Variants in GCN1 observed in about 807,000 individuals in gnomAD.
GCN1 encodes stalled ribosome sensor GCN1.
In GCN1, 90 loss-of-function variants were observed where a neutral mutation model predicts 288.4. That is an observed-to-expected ratio of 0.31 (90% CI 0.26 to 0.37). GCN1 has a LOEUF of 0.37. Ranked by LOEUF, GCN1 falls within the 10% of genes least tolerant of loss-of-function variation. The probability of loss-of-function intolerance (pLI) is 1.00; values close to 1 mark genes in which losing one functional copy is unlikely to be tolerated. For synonymous variants in GCN1, 1,386 were observed against 1,420.2 expected (o/e 0.98, Z 0.54); for missense variants, 2,586 against 3,419.9 (o/e 0.76, Z 6.08).
chr12:120,190,561 C>A (rs1048913654), intron 1 of GCN1, among the ~76,000 whole-genome samples, 161 bp from the exon 2 acceptor site: 1 of 152,032 alleles, frequency 6.6e-6, no homozygotes, highest in African/African-American at 2.4e-5. Context: ...TTGTGGGGGC[C>A]GTGTTTTTAG....
At chr12:120,161,224 A>C (rs569372941) in intron 22 of GCN1, among the ~76,000 whole-genome samples, 1 of 152,318 alleles carries the variant, frequency 6.6e-6, no homozygotes, top group Non-Finnish European at 1.5e-5. Context: ...GAATCCAGCA[A>C]CACCACTTAG....
At chr12:120,188,249 C>A (rs1411868485) in intron 2 of GCN1, among the ~76,000 whole-genome samples, 1 of 152,020 alleles carries the variant, frequency 6.6e-6, no homozygotes, top group Non-Finnish European at 1.5e-5. Context: ...GACTGGCCAA[C>A]ATGGTGAAAC....
intron 26 of GCN1, 81 bp from the exon 27 acceptor site, chr12:120,157,073 C>T: frequency 1.2e-6 from 1 of 855,064 alleles, no homozygotes; most frequent in East Asian, 2.5e-5. Context: ...GGCATCCTCT[C>T]ACCCACGGGG....
At position 120,151,011 on chromosome 12, in the gene GCN1, G is replaced by A. The variant is rs770799171; in HGVS notation, c.4309+134C>T. On this transcript the variant is annotated intron_variant, in intron 34 of 57. Transcript: ENST00000300648. ...AGCAAGGACGCAGCTGGACTGGGTC[G>A]CACACAGCGGGGCCCTCTGTAGTAC... is the stretch of plus-strand genomic sequence containing the variant. 37 of 928,704 alleles carry A rather than the reference G, an allele frequency of 4.0e-5. No homozygotes were observed. In the Middle Eastern group the frequency reaches 7.0e-4, roughly 18 times the overall value. 57.5% of individuals were successfully genotyped at this position (928,704 alleles called of 1,614,324 possible).
chr12:120,176,835 T>A (rs1437552193), intron 9 of GCN1, among the ~76,000 whole-genome samples: 1 of 152,186 alleles, frequency 6.6e-6, no homozygotes, highest in Non-Finnish European at 1.5e-5. Flanking sequence ...GGCATGATCT[T>A]GCCTCACTGC....
At chr12:120,161,045 A>C (rs149529285) in intron 22 of GCN1, among the ~76,000 whole-genome samples, 183 of 152,322 alleles carry the variant, frequency 1.2e-3, no homozygotes, top group Non-Finnish European at 2.2e-3. Flanking sequence ...GCAAACGCTG[A>C]GAAGGAAAGA....
rs906333405 is a variant in GCN1 at position 120,153,073 on chromosome 12, G to A, written c.4062+140C>T. 4.8e-5 allele frequency: 32 copies of A among 663,850 alleles called. No homozygotes were observed. The highest frequency in any genetic ancestry group is 4.1e-4 in the Middle Eastern group (1 of 2,410). The allele number at this position is 663,850 out of a possible 1,614,324, so 41.1% of individuals were successfully genotyped here. ...GACTATAAACCAGGCTCTCCCCTGCGAGAGGGGGTGAATCCTTAACAAGAA... is the reference window on the plus strand; with the variant it reads ...GACTATAAACCAGGCTCTCCCCTGCAAGAGGGGGTGAATCCTTAACAAGAA... On this transcript the variant is annotated intron_variant, in intron 33 of 57. Transcript: ENST00000300648. This position sits in a 1 kb window ranked among gnomAD's most constrained non-coding sequence, Gnocchi z 4.4.
chr12:120,145,371 C>A, intron 38 of GCN1, 41 bp from the exon 39 acceptor site: 1 of 1,452,298 alleles, frequency 6.9e-7, no homozygotes, highest in Non-Finnish European at 9.3e-7. Flanking sequence ...GGCCCGACTC[C>A]TGCTTTCTCC....
intron 33 of GCN1, among the ~76,000 whole-genome samples, chr12:120,152,635 G>GCGCA (rs1409843184): frequency 2.5e-4 from 30 of 121,098 alleles, no homozygotes; most frequent in East Asian, 1.9e-3. Context: ...ACACACACAC[G>GCGCA]CGCACACACA....
At position 120,152,661 on chromosome 12, in the gene GCN1, A is replaced by AATAT. The variant is rs1160511017; in HGVS notation, c.4062+548_4062+551dup. 2.2e-5 allele frequency among the ~76,000 whole-genome samples: 3 copies of AATAT among 137,250 alleles called. No individual in the cohort carries two copies. In the East Asian group the frequency reaches 6.2e-4, roughly 28 times the overall value. The allele number at this position is 137,250 out of a possible 152,430, so 90.0% of individuals were successfully genotyped here. A position where few individuals can be genotyped will look rare whatever the true frequency, so the allele number is the denominator to read the frequency against. On this transcript the variant is annotated intron_variant, in intron 33 of 57. Coordinates refer to ENST00000300648, the MANE Select transcript of GCN1 (RefSeq NM_006836.2). ...CGCACACACACACACACACACACAA[A>AATAT]ATATATATATATAAATATATATATA...
At chr12:120,179,093 G>T (rs186575063) in intron 5 of GCN1, 143 bp from the exon 6 acceptor site, 8 of 660,892 alleles carry the variant, frequency 1.2e-5, no homozygotes, top group Middle Eastern at 3.7e-4. Context: ...ACTCCAGCCA[G>T]CTCCTCTTCC....
Position 120,130,634 on chromosome 12 carries a change from G to GC in GCN1, c.7671+11dup, listed in dbSNP as rs529294048. 1,368 of 1,567,618 alleles carry GC rather than the reference G, an allele frequency of 8.7e-4. No individual in the cohort carries two copies. Among genetic ancestry groups the GC allele is most frequent in the Non-Finnish European group, 1.0e-3 (1,177 of 1,137,710 alleles). On this transcript the variant is annotated intron_variant, in intron 56 of 57. Coordinates refer to ENST00000300648, the MANE Select transcript of GCN1 (RefSeq NM_006836.2). ...GTGTTAGGGCTTAAACACATGCTTG[G>GC]CCCCCACTCACCTTAACGAACAGGC...
intron 18 of GCN1, 70 bp from the exon 19 acceptor site, chr12:120,163,329 G>A (rs1416258309): frequency 2.4e-6 from 3 of 1,266,592 alleles, no homozygotes; most frequent in East Asian, 2.3e-5. Context: ...AACCAAATAT[G>A]CTACGGACAC....
rs776037419 is a variant in GCN1, at chr12:120,140,813, G to A, written c.5994+46C>T. 2.5e-6 allele frequency: 4 copies of A among 1,575,586 alleles called. No individual in the cohort carries two copies. The Admixed American group carries it at 5.1e-5, about 20-fold the overall frequency. On this transcript the variant is annotated intron_variant, in intron 45 of 57. Coordinates refer to ENST00000300648, the MANE Select transcript of GCN1 (RefSeq NM_006836.2). Reference sequence around the variant, plus strand: ...TAGCCCTCCCCCGCCCTCTGAGTCAGGTCGTCTGCAGTGCACAGCTGGCGG... The same window carrying A: ...TAGCCCTCCCCCGCCCTCTGAGTCAAGTCGTCTGCAGTGCACAGCTGGCGG...
At chr12:120,170,618 G>A (rs1012540277) in intron 14 of GCN1, among the ~76,000 whole-genome samples, 1 of 151,744 alleles carries the variant, frequency 6.6e-6, no homozygotes, top group African/African-American at 2.4e-5. Context: ...AGATCAGCCT[G>A]ACCAACATGG....
Position 120,153,951 on chromosome 12 carries a change from G to A in GCN1, c.3702-42C>T. The A allele has an allele frequency of 1.3e-6, 2 of 1,552,770 alleles. No homozygotes were observed. The highest frequency in any genetic ancestry group is 1.8e-6 in the Non-Finnish European group (2 of 1,133,020). Reference sequence around the variant, plus strand: ...AGCACATCAGGAGGGGCAGTCAGGGGGCCTCCTCTGCCAGTGGAACCTCTG... The same window carrying A: ...AGCACATCAGGAGGGGCAGTCAGGGAGCCTCCTCTGCCAGTGGAACCTCTG... On this transcript the variant is annotated intron_variant, in intron 31 of 57. Coordinates refer to ENST00000300648, the MANE Select transcript of GCN1 (RefSeq NM_006836.2). The surrounding 1 kb of genome is among the most constrained non-coding windows in gnomAD (Gnocchi z 4.4).
chr12:120,147,405 C>T (rs2139097933), intron 37 of GCN1, 133 bp from the exon 38 acceptor site: 3 of 462,622 alleles, frequency 6.5e-6, no homozygotes, highest in East Asian at 6.4e-5. Context: ...CCACAAGTCA[C>T]CAGCTGGGGA....
chr12:120,144,479 C>G lies in GCN1; in HGVS notation c.5353-31G>C. ...CACACAGAGGGTGGGTCAGCCAGAG[C>G]TGCCACCCCCAGGCCCCCAGCCCAA... On this transcript the variant is annotated intron_variant, in intron 41 of 57. Transcript: ENST00000300648. The surrounding 1 kb of genome is among the most constrained non-coding windows in gnomAD (Gnocchi z 4.7). 1 of 1,600,482 alleles carries G rather than the reference C, an allele frequency of 6.2e-7. No individual in the cohort carries two copies. The highest frequency in any genetic ancestry group is 8.5e-7 in the Non-Finnish European group (1 of 1,171,784).
Position 120,153,774 on chromosome 12 carries a change from T to G in GCN1, c.3837A>C (p.Ala1279=). The G allele has an allele frequency of 6.2e-7, 1 of 1,614,194 alleles. No individual in the cohort carries two copies. The highest frequency in any genetic ancestry group is 1.1e-5 in the South Asian group (1 of 91,088). The stretch of plus-strand genomic sequence containing the variant: ...CATGAGTGTTGAGCGTTGCGAGGGC[T>G]GCATCCAACATGCACTTCCGGACAT... ...HPDVRKCMLD[A]ALATLNTHGK... Residue 1279 remains alanine (A), a synonymous_variant, in exon 32 of 58, where the codon GCA becomes GCC. Transcript: ENST00000300648. This position sits in a 1 kb window ranked among gnomAD's most constrained non-coding sequence, Gnocchi z 4.4.
Sources: allele counts gnomAD v4.1 joint callset (sites outside exome capture counted in the v4.1 genomes callset), GRCh38; gene constraint gnomAD v4.1.1; non-coding constraint Gnocchi (gnomAD v3.1); transcripts MANE v1.5; gene names NCBI Gene and HGNC (gene_info 2026-07-23, HGNC 2026-07-21).